POMGNT2: variants seen among roughly 807,000 people sequenced by gnomAD.
The protein encoded by POMGNT2 is protein O-linked-mannose beta-1,4-N-acetylglucosaminyltransferase 2.
A neutral mutation model predicts 37.8 loss-of-function variants in POMGNT2; 32 were observed. The observed-to-expected ratio is 0.85, with a 90% CI of 0.64 to 1.14. The LOEUF is 1.14. POMGNT2 is among the 50% of genes most tolerant of loss of function. The pLI is 0.00. For missense variants in POMGNT2, 705 were observed against 780.6 expected (o/e 0.90, Z 1.15); for synonymous variants, 340 against 336.8 (o/e 1.01, Z -0.10).
intron 1 of POMGNT2, among the ~76,000 whole-genome samples, chr3:43,089,097 A>G (rs1037095875): frequency 6.6e-6 from 1 of 152,192 alleles, no homozygotes; most frequent in African/African-American, 2.4e-5. Context: ...AAACCTTTTC[A>G]TGAGACATGA....
intron 1 of POMGNT2, among the ~76,000 whole-genome samples, chr3:43,105,308 G>A: frequency 6.6e-6 from 1 of 152,160 alleles, no homozygotes; most frequent in Non-Finnish European, 1.5e-5. Context: ...TCTTACCACC[G>A]GACACACATG....
intron 1 of POMGNT2, among the ~76,000 whole-genome samples, chr3:43,097,252 G>T (rs1413147279): frequency 6.6e-6 from 1 of 152,244 alleles, no homozygotes; most frequent in Non-Finnish European, 1.5e-5. Context: ...AAAGCTGAGG[G>T]TGGGCTGTGT....
chr3:43,104,835 C>T (rs1351503279), intron 1 of POMGNT2, among the ~76,000 whole-genome samples: 1 of 152,156 alleles, frequency 6.6e-6, no homozygotes, highest in Non-Finnish European at 1.5e-5. Flanking sequence ...ACTGCAACCC[C>T]GTGATAAAGG....
At chr3:43,086,670 G>A (rs1338894628) in intron 1 of POMGNT2, among the ~76,000 whole-genome samples, 1 of 152,162 alleles carries the variant, frequency 6.6e-6, no homozygotes, top group Non-Finnish European at 1.5e-5. Flanking sequence ...TGCCTCTCTG[G>A]CTCCTGGGTG....
At chr3:43,088,975 T>TC (rs2089920868) in intron 1 of POMGNT2, among the ~76,000 whole-genome samples, 1 of 152,138 alleles carries the variant, frequency 6.6e-6, no homozygotes, top group Non-Finnish European at 1.5e-5. Flanking sequence ...ACATGCAGGG[T>TC]CTGGCTGCAT....
chr3:43,081,417 C>T lies in POMGNT2; in HGVS notation c.15G>A (p.Ala5=), dbSNP rs570040029. 5.5e-5 allele frequency: 86 copies of T among 1,572,644 alleles called. 1 individual carries two copies. The highest frequency in any genetic ancestry group is 2.1e-4 in the South Asian group (18 of 84,224). Residue 5 remains alanine, a synonymous_variant, in exon 2 of 2, where the codon GCG becomes GCA. Coordinates refer to ENST00000344697, the MANE Select transcript of POMGNT2 (RefSeq NM_032806.6). ...CCGACACCAGGAGGGCGTTGAACAC[C>T]GCCGAGAGGTGCATCCTAATGCCAC... MHLS[A]VFNALLVSVL...
chr3:43,080,636 G>C lies in POMGNT2; in HGVS notation c.796C>G (p.Gln266Glu). 6.2e-7 allele frequency: 1 copy of C among 1,614,200 alleles called. No homozygotes were observed. The highest frequency in any genetic ancestry group is 8.5e-7 in the Non-Finnish European group (1 of 1,180,030). The change falls in exon 2 of 2, where the codon CAG becomes GAG. Residue 266 changes from glutamine (Q) to glutamate (E), a missense_variant. By Grantham distance (29) the Gln-to-Glu change is conservative. Transcript: ENST00000344697. The part of the protein sequence containing the change: ...NILVSGNEIR[Q>E]FARFMTEKLN... ...TTTTCTGTCATGAACCGTGCAAACT[G>C]CCGGATCTCATTGCCTGAGACGAGG... is the stretch of plus-strand genomic sequence containing the variant.
At chr3:43,094,627 T>G (rs985083758) in intron 1 of POMGNT2, among the ~76,000 whole-genome samples, 1 of 152,208 alleles carries the variant, frequency 6.6e-6, no homozygotes, top group Non-Finnish European at 1.5e-5. Context: ...AATGTCTGAC[T>G]GTTCAGGGCA....
At chr3:43,082,135 A>G (rs79303213) in intron 1 of POMGNT2, among the ~76,000 whole-genome samples, 1 of 152,244 alleles carries the variant, frequency 6.6e-6, no homozygotes, top group East Asian at 1.9e-4. Flanking sequence ...AAAAGCTAAC[A>G]AAGAGAGGCC....
chr3:43,089,088 A>G (rs895512078), intron 1 of POMGNT2, among the ~76,000 whole-genome samples: 2 of 152,236 alleles, frequency 1.3e-5, no homozygotes, highest in African/African-American at 4.8e-5. Context: ...CTCCCTAAGA[A>G]ACCTTTTCAT....
At chr3:43,086,261 T>A (rs2089897461) in intron 1 of POMGNT2, among the ~76,000 whole-genome samples, 2 of 152,196 alleles carry the variant, frequency 1.3e-5, no homozygotes, top group South Asian at 4.1e-4. Context: ...CTTCTGTATA[T>A]AAATTAGAGT....
At position 43,079,557 on chromosome 3, in the gene POMGNT2, GACA is replaced by G; in HGVS notation, c.*129_*131del. ...GAGTGCTGTGACACCACACCCCAGA[GACA>G]ACAAGATGATGTGGAGGCACAGGCC... On this transcript the variant is annotated 3_prime_UTR_variant, in exon 2 of 2. Transcript: ENST00000344697. The G allele has an allele frequency of 5.2e-6, 4 of 774,444 alleles. No individual in the cohort carries two copies. Among genetic ancestry groups the G allele is most frequent in the Non-Finnish European group, 8.2e-6 (4 of 490,190 alleles). The allele number at this position is 774,444 out of a possible 1,614,324, so 48.0% of individuals were successfully genotyped here. A position where few individuals can be genotyped will look rare whatever the true frequency, so the allele number is the denominator to read the frequency against.
At position 43,081,543 on chromosome 3, in the gene POMGNT2, G is replaced by A; in HGVS notation, c.-105-7C>T. On this transcript the variant is annotated splice_polypyrimidine_tract_variant and splice_region_variant and intron_variant, in intron 1 of 1. Transcript: ENST00000344697. ...CCTGAGAACTGGTGAAAGCCTGCAG[G>A]AGGAGAGAAGGAAAAGAAAAAGGAA... 1.1e-6 allele frequency: 1 copy of A among 921,568 alleles called. No individual in the cohort carries two copies. The highest frequency in any genetic ancestry group is 2.7e-5 in the East Asian group (1 of 37,474). 57.1% of individuals were successfully genotyped at this position (921,568 alleles called of 1,614,324 possible).
At chr3:43,089,186 A>G (rs1396713572) in intron 1 of POMGNT2, among the ~76,000 whole-genome samples, 2 of 152,240 alleles carry the variant, frequency 1.3e-5, no homozygotes, top group East Asian at 3.9e-4. Context: ...TAAGGCCACC[A>G]AAGTGTCACA....
chr3:43,096,546 G>T (rs927012563), intron 1 of POMGNT2, among the ~76,000 whole-genome samples: 2 of 152,142 alleles, frequency 1.3e-5, no homozygotes, highest in Non-Finnish European at 2.9e-5. Flanking sequence ...TCTGAACATG[G>T]ATTCTAAGCA....
chr3:43,106,045 C>T lies in POMGNT2; in HGVS notation c.-315G>A, dbSNP rs1011124034. 1 of 151,684 alleles carries T rather than the reference C, an allele frequency of 6.6e-6. No homozygotes were observed. Among genetic ancestry groups the T allele is most frequent in the East Asian group, 2.0e-4 (1 of 5,056 alleles). 9.4% of individuals were successfully genotyped at this position (151,684 alleles called of 1,614,324 possible). A position where few individuals can be genotyped will look rare whatever the true frequency, so the allele number is the denominator to read the frequency against. On this transcript the variant is annotated 5_prime_UTR_variant, in exon 1 of 2. Coordinates refer to ENST00000344697, the MANE Select transcript of POMGNT2 (RefSeq NM_032806.6). ...AGGCTCGCAGGTGTCCGCCGTGCGC[C>T]TGCCCGGCGGGCGAGCCCGGCGCGG...
rs376867102 is a variant in POMGNT2, at chr3:43,080,367, C to A, written c.1065G>T (p.Leu355=). The A allele has an allele frequency of 1.9e-6, 3 of 1,614,154 alleles. No individual in the cohort carries two copies. In the South Asian group the frequency reaches 3.3e-5, roughly 18 times the overall value. ...HGAQLVTTLF[L]PRGATVVELF... Reference sequence around the variant, plus strand: ...GCTCTACCACAGTTGCCCCACGGGGCAGGAAGAGGGTGGTGACCAGCTGGG... The same window carrying A: ...GCTCTACCACAGTTGCCCCACGGGGAAGGAAGAGGGTGGTGACCAGCTGGG... Residue 355 remains leucine, a synonymous_variant, in exon 2 of 2, where the codon CTG becomes CTT. Transcript: ENST00000344697.
At chr3:43,083,792 A>C (rs1160572756) in intron 1 of POMGNT2, among the ~76,000 whole-genome samples, 1 of 152,152 alleles carries the variant, frequency 6.6e-6, no homozygotes, top group Non-Finnish European at 1.5e-5. Context: ...TATTATATTC[A>C]CCCATATTTT....
intron 1 of POMGNT2, among the ~76,000 whole-genome samples, chr3:43,094,898 C>T (rs982775857): frequency 8.5e-5 from 13 of 152,304 alleles, no homozygotes; most frequent in South Asian, 4.1e-4. Context: ...ACCTGCTGTC[C>T]GTAATCCTGT....
Sources: allele counts gnomAD v4.1 joint callset (sites outside exome capture counted in the v4.1 genomes callset), GRCh38; gene constraint gnomAD v4.1.1; transcripts MANE v1.5; gene names NCBI Gene and HGNC (gene_info 2026-07-23, HGNC 2026-07-21).